Variants in ST6GALNAC3 observed in about 807,000 individuals in gnomAD.
ST6GALNAC3 encodes the protein ST6 N-acetylgalactosaminide alpha-2,6-sialyltransferase 3.
A neutral mutation model predicts 32.7 loss-of-function variants in ST6GALNAC3; 25 were observed. That is an observed-to-expected ratio of 0.76 (90% CI 0.56 to 1.07). ST6GALNAC3 has a LOEUF of 1.07. Ranked by LOEUF, ST6GALNAC3 falls within the 50% of genes least tolerant of loss-of-function variation. The pLI, the probability that ST6GALNAC3 is intolerant of heterozygous loss-of-function variation, is 0.00. For synonymous variants in ST6GALNAC3, 129 were observed against 133.1 expected (o/e 0.97, Z 0.21); for missense variants, 355 against 382.4 (o/e 0.93, Z 0.60).
chr1:76,229,787 T>C (rs1656266740), intron 1 of ST6GALNAC3, among the ~76,000 whole-genome samples: 1 of 152,102 alleles, frequency 6.6e-6, no homozygotes, highest in Non-Finnish European at 1.5e-5. Context: ...GTTCCACGTG[T>C]GGAAAGGGCA....
chr1:76,162,689 T>G (rs1368420945), intron 1 of ST6GALNAC3, among the ~76,000 whole-genome samples: 1 of 152,194 alleles, frequency 6.6e-6, no homozygotes, highest in East Asian at 1.9e-4. Flanking sequence ...CAGCTGGGTC[T>G]AATGGATGTA....
Position 76,269,518 on chromosome 1 carries a change from A to T in ST6GALNAC3, c.19-44287A>T, listed in dbSNP as rs573893911. ...AACTTCACAATATTTAAACATAGACAGCTAAAGTATGGGAATATCCTTGGT... is the reference window on the plus strand; with the variant it reads ...AACTTCACAATATTTAAACATAGACTGCTAAAGTATGGGAATATCCTTGGT... On this transcript the variant is annotated intron_variant, in intron 1 of 4. Transcript: ENST00000328299. Among the ~76,000 whole-genome samples, 8 of 152,376 alleles carry T rather than the reference A, an allele frequency of 5.3e-5. No individual in the cohort carries two copies. The East Asian group carries it at 1.2e-3, about 22-fold the overall frequency.
rs906153214 is a variant in ST6GALNAC3, at chr1:76,628,708, T to C, written c.820T>C (p.Tyr274His). The change falls in exon 5 of 5, where the codon TAT becomes CAT. Residue 274 changes from tyrosine to histidine, a missense_variant. Transcript: ENST00000328299. ...ATATTTTCTTCATGAACATGCCCCA[T>C]ATGGGGGTCATAGGTTTATCACTGA... ...DEYFLHEHAPYGGHRFITEKK... is the reference protein window; with the variant it reads ...DEYFLHEHAPHGGHRFITEKK... 7 of 1,612,424 alleles carry C rather than the reference T, an allele frequency of 4.3e-6. No homozygotes were observed. Among genetic ancestry groups the C allele is most frequent in the African/African-American group, 1.3e-5 (1 of 74,784 alleles).
At chr1:76,125,946 G>A (rs894407970) in intron 1 of ST6GALNAC3, among the ~76,000 whole-genome samples, 2 of 152,150 alleles carry the variant, frequency 1.3e-5, no homozygotes, top group Admixed American at 6.5e-5. Flanking sequence ...CAATTGAGCG[G>A]GCCCTGCAGA....
intron 2 of ST6GALNAC3, 120 bp downstream of exon 2, chr1:76,314,119 G>T (rs1360712334): frequency 2.3e-6 from 2 of 857,242 alleles, no homozygotes; most frequent in African/African-American, 1.7e-5. Context: ...AGCTTGCTTG[G>T]GTCCCTGACA....
At chr1:76,408,674 AG>A (rs1654004822) in intron 2 of ST6GALNAC3, among the ~76,000 whole-genome samples, 1 of 152,132 alleles carries the variant, frequency 6.6e-6, no homozygotes, top group African/African-American at 2.4e-5. Context: ...GCCTTGTTAC[AG>A]CAAAACTGGC....
chr1:76,332,604 G>A (rs184429053), intron 2 of ST6GALNAC3, among the ~76,000 whole-genome samples: 5 of 152,252 alleles, frequency 3.3e-5, no homozygotes, highest in African/African-American at 7.2e-5. Flanking sequence ...GGCATCCCCT[G>A]AGGTAGTAGG....
chr1:76,395,513 A>C (rs1652883464), intron 2 of ST6GALNAC3, among the ~76,000 whole-genome samples: 1 of 152,186 alleles, frequency 6.6e-6, no homozygotes. Context: ...ACCACAATGC[A>C]CAATAGCAAT....
chr1:76,545,845 G>T (rs1301567956), intron 3 of ST6GALNAC3, among the ~76,000 whole-genome samples: 1 of 152,054 alleles, frequency 6.6e-6, no homozygotes, highest in East Asian at 1.9e-4. Flanking sequence ...TTTTAGTAGA[G>T]ACAGGGTTTC....
chr1:76,261,729 C>G (rs919774195), intron 1 of ST6GALNAC3, among the ~76,000 whole-genome samples: 1 of 152,188 alleles, frequency 6.6e-6, no homozygotes, highest in African/African-American at 2.4e-5. Flanking sequence ...GCAGAAACAT[C>G]CTCTCACTGG....
intron 2 of ST6GALNAC3, among the ~76,000 whole-genome samples, chr1:76,410,842 C>T (rs767938567): frequency 3.9e-5 from 6 of 152,016 alleles, no homozygotes; most frequent in South Asian, 2.1e-4. Context: ...CAGGGACTGA[C>T]GGGGGAATGG....
In ST6GALNAC3 at chr1:76,629,957, T is replaced by C. The variant is rs1334866723; in HGVS notation, c.*1151T>C. 3 of 985,060 alleles carry C rather than the reference T, an allele frequency of 3.0e-6. No individual in the cohort carries two copies. Among genetic ancestry groups the C allele is most frequent in the Non-Finnish European group, 3.6e-6 (3 of 829,792 alleles). The allele number at this position is 985,060 out of a possible 1,614,324, so 61.0% of individuals were successfully genotyped here. ...TTCTAGGGATTTATTTTTCCCATAGTGTATCAGTTGTTATGCCACAATAAC... is the reference window on the plus strand; with the variant it reads ...TTCTAGGGATTTATTTTTCCCATAGCGTATCAGTTGTTATGCCACAATAAC... On this transcript the variant is annotated 3_prime_UTR_variant, in exon 5 of 5. Transcript: ENST00000328299.
chr1:76,174,233 C>T lies in ST6GALNAC3; in HGVS notation c.18+99349C>T, dbSNP rs142391183. On this transcript the variant is annotated intron_variant, in intron 1 of 4. Transcript: ENST00000328299. ...AACACAGGAACAGAAAATCAAATAC[C>T]ACATGTTCTCACTCATAAGTGGGAG... is the stretch of plus-strand genomic sequence containing the variant. 1.0e-3 allele frequency among the ~76,000 whole-genome samples: 153 copies of T among 152,150 alleles called. 3 individuals carry two copies. The East Asian group carries it at 0.026, about 25-fold the overall frequency.
chr1:76,216,693 C>T lies in ST6GALNAC3; in HGVS notation c.19-97112C>T, dbSNP rs115552288. 1.9e-3 allele frequency among the ~76,000 whole-genome samples: 297 copies of T among 152,318 alleles called. 3 individuals are homozygous for T. Among genetic ancestry groups the T allele is most frequent in the African/African-American group, 6.9e-3 (287 of 41,580 alleles). Reference sequence around the variant, plus strand: ...TCATTGGTCAGCAGTTTCATGCAACCATTGAGTGAAATCCAATGTGGAAAG... The same window carrying T: ...TCATTGGTCAGCAGTTTCATGCAACTATTGAGTGAAATCCAATGTGGAAAG... On this transcript the variant is annotated intron_variant, in intron 1 of 4. Transcript: ENST00000328299.
At chr1:76,613,591 C>G (rs963595874) in intron 3 of ST6GALNAC3, among the ~76,000 whole-genome samples, 6 of 152,172 alleles carry the variant, frequency 3.9e-5, no homozygotes, top group African/African-American at 1.2e-4. Context: ...GGAGGAGGGG[C>G]CTGGTGGGAG....
At chr1:76,603,417 T>C (rs944223033) in intron 3 of ST6GALNAC3, among the ~76,000 whole-genome samples, 1 of 152,172 alleles carries the variant, frequency 6.6e-6, no homozygotes, top group Admixed American at 6.6e-5. Context: ...CCATAAGCAT[T>C]AACAGAGATG....
At chr1:76,395,518 A>G (rs1652883713) in intron 2 of ST6GALNAC3, among the ~76,000 whole-genome samples, 1 of 152,212 alleles carries the variant, frequency 6.6e-6, no homozygotes, top group African/African-American at 2.4e-5. Context: ...AATGCACAAT[A>G]GCAATGACAT....
intron 2 of ST6GALNAC3, among the ~76,000 whole-genome samples, chr1:76,340,487 A>C (rs1647870672): frequency 6.6e-6 from 1 of 152,162 alleles, no homozygotes; most frequent in Non-Finnish European, 1.5e-5. Flanking sequence ...ATACAAAGAG[A>C]GAAATCATCA....
intron 3 of ST6GALNAC3, among the ~76,000 whole-genome samples, chr1:76,610,075 A>G (rs1557623876): frequency 6.6e-6 from 1 of 151,870 alleles, no homozygotes. Context: ...GTGATTCTGG[A>G]TTGGTGATAT....
Sources: gnomAD v4.1 joint callset for allele counts (sites outside exome capture counted in the v4.1 genomes callset) on GRCh38, gnomAD v4.1.1 for gene constraint, MANE v1.5 for transcripts, NCBI Gene and HGNC (gene_info 2026-07-23, HGNC 2026-07-21) for gene names.